NCAM2: variants seen among roughly 807,000 people sequenced by gnomAD.
The protein encoded by NCAM2 is N-CAM-2.
A neutral mutation model predicts 98.1 loss-of-function variants in NCAM2; 30 were observed. That is an observed-to-expected ratio of 0.31 (90% confidence interval 0.23 to 0.41). The LOEUF is 0.41. NCAM2 is among the 10% of genes least tolerant of loss of function. NCAM2 has a pLI of 1.00. For missense variants in NCAM2, 867 were observed against 1,005.8 expected (o/e 0.86, Z 1.87); for synonymous variants, 368 against 342.4 (o/e 1.07, Z -0.83).
chr21:21,115,457 T>A (rs529005705), intron 1 of NCAM2, among the ~76,000 whole-genome samples: 5 of 152,288 alleles, frequency 3.3e-5, no homozygotes, highest in African/African-American at 4.8e-5. Context: ...CCCCACTTAA[T>A]TCATCACCAC....
At chr21:21,212,775 C>T (rs562212784) in intron 1 of NCAM2, among the ~76,000 whole-genome samples, 8 of 134,512 alleles carry the variant, frequency 5.9e-5, no homozygotes, top group Non-Finnish European at 1.1e-4. Context: ...TGGAGTCTTG[C>T]TCTGTCGCCC....
chr21:21,202,132 G>A (rs1197045289), intron 1 of NCAM2, among the ~76,000 whole-genome samples: 5 of 152,134 alleles, frequency 3.3e-5, no homozygotes, highest in Non-Finnish European at 5.9e-5. Flanking sequence ...GCCAAGGCTG[G>A]CTTTGGAGCT....
At chr21:21,476,470 GA>G (rs1985181020) in intron 14 of NCAM2, among the ~76,000 whole-genome samples, 1 of 152,036 alleles carries the variant, frequency 6.6e-6, no homozygotes, top group African/African-American at 2.4e-5. Flanking sequence ...AGACAAGCCA[GA>G]AAGGTTAAGG....
rs192111364 is a variant in NCAM2, at chr21:21,048,036, C to T, written c.55+49418C>T. Reference sequence around the variant, plus strand: ...GTCTCTTGTGGGAAAAATCCACATTCTATAAAGAATCCCCTTTCCCCTTTG... The same window carrying T: ...GTCTCTTGTGGGAAAAATCCACATTTTATAAAGAATCCCCTTTCCCCTTTG... On this transcript the variant is annotated intron_variant, in intron 1 of 17. Transcript: ENST00000400546. 8.5e-5 allele frequency among the ~76,000 whole-genome samples: 13 copies of T among 152,288 alleles called. No individual in the cohort carries two copies. The East Asian group carries it at 2.3e-3, about 27-fold the overall frequency.
At chr21:21,407,627 T>C (rs1343590598) in intron 9 of NCAM2, among the ~76,000 whole-genome samples, 1 of 152,206 alleles carries the variant, frequency 6.6e-6, no homozygotes, top group African/African-American at 2.4e-5. Flanking sequence ...TATTTGTAAC[T>C]ATATTTTCCT....
At chr21:21,415,743 C>T (rs1287861299) in intron 10 of NCAM2, among the ~76,000 whole-genome samples, 1 of 152,174 alleles carries the variant, frequency 6.6e-6, no homozygotes, top group Non-Finnish European at 1.5e-5. Context: ...GCCTCATGAA[C>T]TAACCCCTGC....
At chr21:21,231,163 C>T (rs890198924) in intron 1 of NCAM2, among the ~76,000 whole-genome samples, 1 of 151,188 alleles carries the variant, frequency 6.6e-6, no homozygotes. Flanking sequence ...CCAAAAGTAC[C>T]TAGTTGCCTA....
At chr21:21,041,963 A>C (rs931118014) in intron 1 of NCAM2, among the ~76,000 whole-genome samples, 9 of 152,174 alleles carry the variant, frequency 5.9e-5, no homozygotes, top group Non-Finnish European at 1.0e-4. Flanking sequence ...TGGACACAAT[A>C]ACCAATTTGT....
At chr21:21,130,487 A>C (rs1009516985) in intron 1 of NCAM2, among the ~76,000 whole-genome samples, 3 of 152,170 alleles carry the variant, frequency 2.0e-5, no homozygotes, top group Admixed American at 2.0e-4. Flanking sequence ...CTGTGCTTCC[A>C]ATAACATTTT....
intron 1 of NCAM2, among the ~76,000 whole-genome samples, chr21:21,011,550 A>G (rs148252069): frequency 0.011 from 1,629 of 152,200 alleles, 17 homozygotes; most frequent in Non-Finnish European, 0.017. Flanking sequence ...CTAAGTATCT[A>G]TCGCCTTATA....
chr21:21,198,993 G>C (rs557752243), intron 1 of NCAM2, among the ~76,000 whole-genome samples: 307 of 152,220 alleles, frequency 2.0e-3, no homozygotes, highest in African/African-American at 7.1e-3. Flanking sequence ...GTTCTGGTTT[G>C]CTGGAACAGT....
chr21:21,433,085 TAGAG>T (rs1172599708), intron 12 of NCAM2, among the ~76,000 whole-genome samples: 3 of 152,136 alleles, frequency 2.0e-5, no homozygotes, highest in Non-Finnish European at 4.4e-5. Context: ...CTAGTGAACA[TAGAG>T]AGAAAGCAAA....
intron 16 of NCAM2, among the ~76,000 whole-genome samples, chr21:21,513,640 A>T (rs1988529425): frequency 6.6e-6 from 1 of 152,106 alleles, no homozygotes; most frequent in Non-Finnish European, 1.5e-5. Flanking sequence ...AGAATGTTTC[A>T]TGTGCTGAGG....
chr21:21,032,909 T>C (rs898201088), intron 1 of NCAM2, among the ~76,000 whole-genome samples: 1 of 150,594 alleles, frequency 6.6e-6, no homozygotes, highest in African/African-American at 2.4e-5. Context: ...GTAGCAAATT[T>C]AATTGCTAAC....
chr21:21,065,751 G>T (rs1252576007), intron 1 of NCAM2, among the ~76,000 whole-genome samples: 1 of 152,110 alleles, frequency 6.6e-6, no homozygotes, highest in East Asian at 1.9e-4. Flanking sequence ...TTATTTTGAT[G>T]GGAGTGTGTA....
chr21:21,195,294 C>T (rs1439796930), intron 1 of NCAM2, among the ~76,000 whole-genome samples: 1 of 152,102 alleles, frequency 6.6e-6, no homozygotes, highest in Non-Finnish European at 1.5e-5. Context: ...GGGGAAAAAT[C>T]TGAATTTTAA....
intron 5 of NCAM2, among the ~76,000 whole-genome samples, chr21:21,305,987 CTTA>C (rs1245315299): frequency 2.6e-5 from 4 of 152,034 alleles, no homozygotes; most frequent in Non-Finnish European, 4.4e-5. Context: ...TCCCTTTTGA[CTTA>C]TTATTTATCC....
intron 1 of NCAM2, among the ~76,000 whole-genome samples, chr21:21,254,932 A>G (rs914745777): frequency 4.4e-5 from 6 of 137,900 alleles, no homozygotes; most frequent in African/African-American, 1.6e-4. Flanking sequence ...GTGTATGTGT[A>G]CCCACATAGC....
chr21:21,097,915 G>C (rs898229495), intron 1 of NCAM2, among the ~76,000 whole-genome samples: 5 of 21,118 alleles, frequency 2.4e-4, no homozygotes, highest in Non-Finnish European at 1.3e-3. Context: ...TCTGTCTTCA[G>C]CTGATGATTT....
Sources: allele counts gnomAD v4.1 joint callset (sites outside exome capture counted in the v4.1 genomes callset), GRCh38; gene constraint gnomAD v4.1.1; transcripts MANE v1.5; gene names NCBI Gene and HGNC (gene_info 2026-07-23, HGNC 2026-07-21).